The following ARFGEF2 variants were observed in gnomAD, a reference collection of about 807,000 sequenced individuals.
ARFGEF2 encodes the protein brefeldin A-inhibited guanine nucleotide-exchange protein 2.
ARFGEF2 carries 74 observed loss-of-function variants against 219.9 expected under a neutral mutation model. That is an observed-to-expected ratio of 0.34 (90% CI 0.28 to 0.41). The LOEUF (loss-of-function observed/expected upper bound fraction) is 0.41. Among genes scored for constraint, ARFGEF2 ranks in the 10% least tolerant of loss-of-function variants. The pLI, the probability that ARFGEF2 is intolerant of heterozygous loss-of-function variation, is 1.00. For synonymous variants in ARFGEF2, 733 were observed against 799.2 expected, an observed-to-expected ratio of 0.92 and a Z score of 1.40; for missense variants, 1,743 against 2,218.3, an observed-to-expected ratio of 0.79 and a Z score of 4.30.
intron 8 of ARFGEF2, among the ~76,000 whole-genome samples, chr20:48,966,270 C>T (rs2091186308): frequency 6.6e-6 from 1 of 152,078 alleles, no homozygotes; most frequent in African/African-American, 2.4e-5. Context: ...AATTTCTTGC[C>T]ACTTTTCTTC....
chr20:48,983,316 A>G (rs2091308082), intron 14 of ARFGEF2, among the ~76,000 whole-genome samples: 1 of 152,178 alleles, frequency 6.6e-6, no homozygotes, highest in Admixed American at 6.6e-5. Context: ...ACACACATCA[A>G]CACATACACA....
chr20:48,922,151 T>G, intron 1 of ARFGEF2, 141 bp downstream of exon 1: 2 of 1,319,092 alleles, frequency 1.5e-6, no homozygotes, highest in Non-Finnish European at 2.0e-6. Flanking sequence ...CTCCTCATTA[T>G]ACCCCCGGAG....
At chr20:48,951,980 A>AAAT (rs2091073777) in intron 4 of ARFGEF2, among the ~76,000 whole-genome samples, 1 of 152,130 alleles carries the variant, frequency 6.6e-6, no homozygotes, top group Non-Finnish European at 1.5e-5. Context: ...AACCTTTCTT[A>AAAT]AAGCTCCCTT....
chr20:48,997,950 C>T (rs749874190), intron 23 of ARFGEF2: 23 of 495,460 alleles, frequency 4.6e-5, no homozygotes, highest in South Asian at 3.2e-4. Flanking sequence ...TTCTGCCTCC[C>T]GAGTTCAAGC....
chr20:48,948,957 C>T (rs1017902048), intron 3 of ARFGEF2, among the ~76,000 whole-genome samples: 2 of 152,204 alleles, frequency 1.3e-5, no homozygotes, highest in African/African-American at 4.8e-5. Flanking sequence ...GGTGCACCTC[C>T]CTGGAGAATA....
intron 3 of ARFGEF2, among the ~76,000 whole-genome samples, chr20:48,944,377 C>T (rs1323404674): frequency 6.6e-6 from 1 of 152,174 alleles, no homozygotes; most frequent in Non-Finnish European, 1.5e-5. Context: ...GCCCTGTGTG[C>T]TTCATTCACC....
rs545829250 is a variant in ARFGEF2, at chr20:49,032,621, C to A, written c.5182-402C>A. Among the ~76,000 whole-genome samples the A allele has an allele frequency of 2.0e-5, 3 of 150,788 alleles. No homozygotes were observed. In the South Asian group the frequency reaches 6.3e-4, roughly 31 times the overall value. The stretch of plus-strand genomic sequence containing the variant: ...TCTTTTTTTTTTTTTGAGACAGAGT[C>A]TTGGTCTGTCACACAGGCTGGAATG... On this transcript the variant is annotated intron_variant, in intron 38 of 38. Transcript: ENST00000371917.
At chr20:49,000,356 T>C (rs978867244) in intron 25 of ARFGEF2, among the ~76,000 whole-genome samples, 3 of 152,216 alleles carry the variant, frequency 2.0e-5, no homozygotes, top group Admixed American at 6.5e-5. Context: ...TGTCATTTTA[T>C]GATAAGATAA....
At chr20:48,948,916 C>T (rs2091047734) in intron 3 of ARFGEF2, among the ~76,000 whole-genome samples, 2 of 152,322 alleles carry the variant, frequency 1.3e-5, no homozygotes, top group Admixed American at 1.3e-4. Flanking sequence ...CACACACAGC[C>T]CTGTAGGTCC....
intron 3 of ARFGEF2, among the ~76,000 whole-genome samples, chr20:48,950,020 A>G (rs1600601257): frequency 6.6e-6 from 1 of 152,180 alleles, no homozygotes. Flanking sequence ...GTCGGAGTCC[A>G]GGAACCTGTG....
chr20:49,004,909 T>C (rs1420020434), intron 25 of ARFGEF2, among the ~76,000 whole-genome samples, 161 bp from the exon 26 acceptor site: 1 of 152,228 alleles, frequency 6.6e-6, no homozygotes, highest in Non-Finnish European at 1.5e-5. Context: ...AAAATAAAAC[T>C]GGACAGATCA....
chr20:49,003,008 C>T (rs1229189689), intron 25 of ARFGEF2, among the ~76,000 whole-genome samples: 2 of 145,882 alleles, frequency 1.4e-5, no homozygotes, highest in African/African-American at 2.5e-5. Flanking sequence ...TGCTCTGTCA[C>T]CCAGGCTGGA....
At position 49,033,728 on chromosome 20, in the gene ARFGEF2, C is replaced by T. The variant is rs1047604770; in HGVS notation, c.*529C>T. 1 of 154,686 alleles carries T rather than the reference C, an allele frequency of 6.5e-6. No homozygotes were observed. The highest frequency in any genetic ancestry group is 1.4e-5 in the Non-Finnish European group (1 of 69,372). The allele number at this position is 154,686 out of a possible 1,614,324, so 9.6% of individuals were successfully genotyped here. On this transcript the variant is annotated 3_prime_UTR_variant, in exon 39 of 39. Transcript: ENST00000371917. ...TAATTAGATTAGTTTAAGGACAGGT[C>T]AGGATTAGAGAAGAGTTGTTTTTGT...
rs969031935 is a variant in ARFGEF2, at chr20:48,921,818, C to T, written c.-72C>T. The T allele has an allele frequency of 3.1e-6, 4 of 1,300,762 alleles. No homozygotes were observed. In the African/African-American group the frequency reaches 6.3e-5, roughly 20 times the overall value. The allele number at this position is 1,300,762 out of a possible 1,614,324, so 80.6% of individuals were successfully genotyped here. A position where few individuals can be genotyped will look rare whatever the true frequency, so the allele number is the denominator to read the frequency against. On this transcript the variant is annotated 5_prime_UTR_variant, in exon 1 of 39. Coordinates refer to ENST00000371917, the MANE Select transcript of ARFGEF2 (RefSeq NM_006420.3). The stretch of plus-strand genomic sequence containing the variant: ...GGCCGGTGCCGGCCGGGACGCCGGG[C>T]CCGCAGCCTAGCTCGCCATCTCGCT...
At chr20:49,010,587 T>C (rs2091492063) in intron 27 of ARFGEF2, among the ~76,000 whole-genome samples, 183 bp downstream of exon 27, 1 of 152,244 alleles carries the variant, frequency 6.6e-6, no homozygotes, top group South Asian at 2.1e-4. Context: ...CTGTTTTGAC[T>C]TTCTCCTTGC....
At chr20:48,929,210 G>C (rs925371847) in intron 1 of ARFGEF2, among the ~76,000 whole-genome samples, 4 of 152,332 alleles carry the variant, frequency 2.6e-5, no homozygotes, top group South Asian at 2.1e-4. Context: ...CCAGTGAGAA[G>C]CTCATTTCTG....
At chr20:49,002,328 A>G (rs544213960) in intron 25 of ARFGEF2, among the ~76,000 whole-genome samples, 6 of 152,244 alleles carry the variant, frequency 3.9e-5, no homozygotes, top group Non-Finnish European at 7.3e-5. Context: ...GTACACTCAC[A>G]TTGTTGGGCA....
At chr20:48,992,324 T>C (rs969771222) in intron 21 of ARFGEF2, among the ~76,000 whole-genome samples, 7 of 152,224 alleles carry the variant, frequency 4.6e-5, no homozygotes, top group African/African-American at 1.7e-4. Flanking sequence ...TCTAATTTTT[T>C]CTGCCATCTA....
At chr20:48,990,072 G>A (rs987799727) in intron 20 of ARFGEF2, among the ~76,000 whole-genome samples, 2 of 152,074 alleles carry the variant, frequency 1.3e-5, no homozygotes, top group Admixed American at 1.3e-4. Flanking sequence ...CCAGCTACTC[G>A]GGAGGCTGAG....
Sources: allele counts gnomAD v4.1 joint callset (sites outside exome capture counted in the v4.1 genomes callset), GRCh38; gene constraint gnomAD v4.1.1; transcripts MANE v1.5; gene names NCBI Gene and HGNC (gene_info 2026-07-23, HGNC 2026-07-21).